The following EFCAB6 variants were observed in gnomAD, a reference collection of about 807,000 sequenced individuals.
EFCAB6 encodes the protein EF-hand calcium-binding domain-containing protein 6.
Under a neutral mutation model 169.8 loss-of-function variants are expected in EFCAB6, and 156 were observed. That is an observed-to-expected ratio of 0.92 (90% confidence interval 0.81 to 1.05). The LOEUF is 1.05. Among genes scored for constraint, EFCAB6 ranks in the 50% least tolerant of loss-of-function variants. The pLI, the probability that EFCAB6 is intolerant of heterozygous loss-of-function variation, is 0.00. For missense variants in EFCAB6, 1,800 were observed against 1,829.1 expected (o/e 0.98, Z 0.29); for synonymous variants, 698 against 676.4 (o/e 1.03, Z -0.50).
chr22:43,701,566 G>C lies in EFCAB6; in HGVS notation c.1031+9909C>G, dbSNP rs2058766667. On this transcript the variant is annotated intron_variant, in intron 10 of 31. Transcript: ENST00000262726. ...AAAATACAAATTGGACCAAATTATT[G>C]ATAAGAATTTAATATATGGCAAAAC... 2.0e-5 allele frequency among the ~76,000 whole-genome samples: 3 copies of C among 152,060 alleles called. No individual in the cohort carries two copies. In the South Asian group the frequency reaches 6.2e-4, roughly 32 times the overall value.
At chr22:43,593,804 C>T (rs1358280383) in intron 23 of EFCAB6, among the ~76,000 whole-genome samples, 1 of 152,118 alleles carries the variant, frequency 6.6e-6, no homozygotes, top group Non-Finnish European at 1.5e-5. Flanking sequence ...GACAGACTCA[C>T]AAACAGGTAA....
intron 24 of EFCAB6, among the ~76,000 whole-genome samples, chr22:43,581,755 TGAG>T (rs2050742182): frequency 6.6e-6 from 1 of 152,214 alleles, no homozygotes; most frequent in Admixed American, 6.5e-5. Context: ...AGCCAAGAGC[TGAG>T]CTTTTCCAAC....
At chr22:43,805,294 T>A (rs2062878230) in intron 2 of EFCAB6, among the ~76,000 whole-genome samples, 1 of 152,176 alleles carries the variant, frequency 6.6e-6, no homozygotes, top group African/African-American at 2.4e-5. Context: ...CAATACTACC[T>A]AAAGCAATTT....
At chr22:43,663,894 G>C (rs1050739469) in intron 17 of EFCAB6, among the ~76,000 whole-genome samples, 2 of 152,228 alleles carry the variant, frequency 1.3e-5, no homozygotes, top group African/African-American at 4.8e-5. Context: ...GGAATTGTGA[G>C]AGAGTAATTT....
chr22:43,600,208 C>A lies in EFCAB6; in HGVS notation c.2737G>T (p.Gly913Cys), dbSNP rs767638818. 9 of 1,614,016 alleles carry A rather than the reference C, an allele frequency of 5.6e-6. No homozygotes were observed. The highest frequency in any genetic ancestry group is 1.7e-5 in the Admixed American group (1 of 59,996). The change falls in exon 23 of 32, where the codon GGT becomes TGT. Residue 913 changes from glycine (G) to cysteine (C), a missense_variant. Coordinates refer to ENST00000262726, the MANE Select transcript of EFCAB6 (RefSeq NM_022785.4). ...TGGACAGCAGGCGAATAGTTAATAC[C>A]CAATTTCTGTAAAAATTCCTGGTAA... ...ITYQEFLQKL[G>C]INYSPAVHRP...
At chr22:43,658,090 A>G (rs1018242818) in intron 17 of EFCAB6, among the ~76,000 whole-genome samples, 5 of 151,734 alleles carry the variant, frequency 3.3e-5, no homozygotes, top group Non-Finnish European at 5.9e-5. Flanking sequence ...TTATCCGGGT[A>G]TGGTGGCGGG....
At chr22:43,585,861 C>A (rs1024304659) in intron 24 of EFCAB6, among the ~76,000 whole-genome samples, 13 of 152,198 alleles carry the variant, frequency 8.5e-5, no homozygotes, top group African/African-American at 3.1e-4. Context: ...GGAGAGTGGA[C>A]TGAAATATTT....
chr22:43,690,309 CT>C (rs1215078538), intron 10 of EFCAB6, among the ~76,000 whole-genome samples: 1 of 132,752 alleles, frequency 7.5e-6, no homozygotes, highest in South Asian at 2.4e-4. Flanking sequence ...ACCATCCTGG[CT>C]AATAGGGTGA....
In EFCAB6 at chr22:43,530,976, A is replaced by G; in HGVS notation, c.4234-12T>C. 6.2e-7 allele frequency: 1 copy of G among 1,613,092 alleles called. No individual in the cohort carries two copies. The highest frequency in any genetic ancestry group is 1.1e-5 in the South Asian group (1 of 91,048). ...GCGCCGGCTTCTTTCTAGACACAAGACAAGAAGGGGTGAGGAGGGAGCTTT... is the reference window on the plus strand; with the variant it reads ...GCGCCGGCTTCTTTCTAGACACAAGGCAAGAAGGGGTGAGGAGGGAGCTTT... On this transcript the variant is annotated splice_polypyrimidine_tract_variant and intron_variant, in intron 30 of 31. Coordinates refer to ENST00000262726, the MANE Select transcript of EFCAB6 (RefSeq NM_022785.4).
intron 19 of EFCAB6, 97 bp from the exon 20 acceptor site, chr22:43,626,776 A>C: frequency 8.7e-7 from 1 of 1,144,658 alleles, no homozygotes; most frequent in African/African-American, 1.5e-5. Context: ...CCACGCGAGG[A>C]GGGGCAGCTT....
chr22:43,736,012 T>G lies in EFCAB6; in HGVS notation c.508-19A>C, dbSNP rs1009443919. On this transcript the variant is annotated intron_variant, in intron 6 of 31. Transcript: ENST00000262726. ...TGAAAACCTATGTACAAAAAGTGATTTAGGAAAAGTCAAAAGATCTAGTGT... is the reference window on the plus strand; with the variant it reads ...TGAAAACCTATGTACAAAAAGTGATGTAGGAAAAGTCAAAAGATCTAGTGT... 3.8e-6 allele frequency: 6 copies of G among 1,591,874 alleles called. No homozygotes were observed. The highest frequency in any genetic ancestry group is 4.3e-6 in the Non-Finnish European group (5 of 1,171,780).
At chr22:43,554,834 G>T in intron 27 of EFCAB6, 35 bp downstream of exon 27, 5 of 1,579,952 alleles carry the variant, frequency 3.2e-6, no homozygotes, top group South Asian at 1.1e-5. Context: ...CTCAGCCAAC[G>T]GTGTGCAGGG....
intron 19 of EFCAB6, among the ~76,000 whole-genome samples, chr22:43,631,336 T>C (rs470083): frequency 0.25 from 38,259 of 151,812 alleles, 5,210 homozygotes; most frequent in African/African-American, 0.33. Context: ...CATCTTGTAC[T>C]GGCCTCTATG....
chr22:43,738,598 C>T (rs968001862), intron 6 of EFCAB6, among the ~76,000 whole-genome samples: 1 of 152,070 alleles, frequency 6.6e-6, no homozygotes, highest in African/African-American at 2.4e-5. Flanking sequence ...CACACCATCA[C>T]TCACACACAT....
At chr22:43,630,475 G>T (rs187421791) in intron 19 of EFCAB6, among the ~76,000 whole-genome samples, 1 of 152,230 alleles carries the variant, frequency 6.6e-6, no homozygotes, top group Non-Finnish European at 1.5e-5. Flanking sequence ...ACGATGTAGC[G>T]TGGAGCTGGG....
At chr22:43,673,874 T>C (rs1229476718) in intron 13 of EFCAB6, among the ~76,000 whole-genome samples, 2 of 151,214 alleles carry the variant, frequency 1.3e-5, no homozygotes, top group South Asian at 2.1e-4. Flanking sequence ...AAAACGTCAT[T>C]ATATGTGGCG....
At chr22:43,785,974 C>G (rs758590852) in intron 2 of EFCAB6, among the ~76,000 whole-genome samples, 11 of 152,130 alleles carry the variant, frequency 7.2e-5, no homozygotes, top group Non-Finnish European at 1.6e-4. Context: ...AGAATTATGA[C>G]AAAAAGATTG....
intron 16 of EFCAB6, 72 bp from the exon 17 acceptor site, chr22:43,667,344 C>T (rs1409380085): frequency 3.3e-6 from 5 of 1,537,196 alleles, no homozygotes; most frequent in Non-Finnish European, 4.4e-6. Context: ...AGACTGCACC[C>T]ATTTCCATGT....
chr22:43,636,251 A>ATG (rs1473846000), intron 17 of EFCAB6, among the ~76,000 whole-genome samples: 1 of 145,448 alleles, frequency 6.9e-6, no homozygotes, highest in African/African-American at 2.8e-5. Flanking sequence ...AAGTCAACAG[A>ATG]TGTCACCAGA....
Sources: gnomAD v4.1 joint callset for allele counts (sites outside exome capture counted in the v4.1 genomes callset) on GRCh38, gnomAD v4.1.1 for gene constraint, MANE v1.5 for transcripts, NCBI Gene and HGNC (gene_info 2026-07-23, HGNC 2026-07-21) for gene names.